The following PHEX variants were observed in gnomAD, a reference collection of about 807,000 sequenced individuals.
PHEX encodes the protein phosphate regulating endopeptidase X-linked, also known as phosphate-regulating neutral endopeptidase PHEX.
A neutral mutation model predicts 68.0 loss-of-function variants in PHEX; 16 were observed. The ratio of observed to expected loss-of-function variants is 0.24; its 90% CI spans 0.16 to 0.36. The LOEUF (loss-of-function observed/expected upper bound fraction) is 0.36, where lower values mean the gene tolerates loss of function less well. PHEX is among the 10% of genes least tolerant of loss of function. PHEX has a pLI of 1.00. For missense variants in PHEX, 480 were observed against 575.5 expected, an observed-to-expected ratio of 0.83 and a Z score of 1.70; for synonymous variants, 208 against 205.1, an observed-to-expected ratio of 1.01 and a Z score of -0.12.
chrX:22,170,813 C>G (rs1203784254), intron 13 of PHEX, among the ~76,000 whole-genome samples: 1 of 112,119 alleles, frequency 8.9e-6, no homozygotes, highest in Non-Finnish European at 1.9e-5. Context: ...ATTTAAGGAC[C>G]CATTGAATGC....
At chrX:22,127,617 A>G (rs1302315111) in intron 11 of PHEX, among the ~76,000 whole-genome samples, 1 of 111,037 alleles carries the variant, frequency 9.0e-6, no homozygotes, top group Non-Finnish European at 1.9e-5. Flanking sequence ...AATCACCTTC[A>G]AAGATTTTCC....
chrX:22,234,573 A>G (rs2147196560), intron 20 of PHEX, among the ~76,000 whole-genome samples: 1 of 110,450 alleles, frequency 9.1e-6, no homozygotes, highest in Non-Finnish European at 1.9e-5. Flanking sequence ...TGTGAGGGTA[A>G]AACCACCTAC....
At chrX:22,172,857 A>G (rs1044742211) in intron 13 of PHEX, 10 of 111,775 alleles carry the variant, frequency 8.9e-5, no homozygotes, top group African/African-American at 3.3e-4. Flanking sequence ...TTTACTTAGG[A>G]GAATTGGAAA....
chrX:22,142,193 A>G (rs1420448614), intron 12 of PHEX, among the ~76,000 whole-genome samples: 1 of 112,005 alleles, frequency 8.9e-6, no homozygotes, highest in Non-Finnish European at 1.9e-5. Flanking sequence ...CGGAGGTTGC[A>G]GTGAGCCAAG....
At chrX:22,224,278 C>T (rs1339496439) in intron 18 of PHEX, among the ~76,000 whole-genome samples, 1 of 111,999 alleles carries the variant, frequency 8.9e-6, no homozygotes, top group Non-Finnish European at 1.9e-5. Context: ...CCACCGCACC[C>T]AGCCCAGGTC....
intron 20 of PHEX, among the ~76,000 whole-genome samples, chrX:22,228,375 T>TACAACCTTTTGTTCCTAAGTCTGTCTTTG (rs1172427736): frequency 8.9e-6 from 1 of 112,073 alleles, no homozygotes; most frequent in Non-Finnish European, 1.9e-5. Flanking sequence ...TTTTCATCAG[T>TACAACCTTTTGTTCCTAAGTCTGTCTTTG]ACAACCTTTT....
At chrX:22,190,235 A>T (rs1283966578) in intron 14 of PHEX, among the ~76,000 whole-genome samples, 1 of 111,732 alleles carries the variant, frequency 8.9e-6, no homozygotes, top group South Asian at 3.7e-4. Context: ...ATGTTAATAT[A>T]TTTTCATTGA....
chrX:22,108,952 A>C (rs1042461869), intron 9 of PHEX, among the ~76,000 whole-genome samples: 3 of 110,548 alleles, frequency 2.7e-5, no homozygotes. Flanking sequence ...CAAAAAAAAA[A>C]AAAAAAATCT....
intron 3 of PHEX, among the ~76,000 whole-genome samples, chrX:22,074,751 C>T (rs34276730): frequency 0.063 from 6,946 of 110,394 alleles, 311 homozygotes; most frequent in African/African-American, 0.16. Flanking sequence ...GATCTTTCTG[C>T]GTATTAAAAA....
intron 12 of PHEX, among the ~76,000 whole-genome samples, chrX:22,164,174 G>T (rs1283509945): frequency 1.8e-5 from 2 of 111,947 alleles, no homozygotes; most frequent in Non-Finnish European, 3.8e-5. Context: ...CTGGAGCCAT[G>T]GGATATTGCA....
chrX:22,082,407 G>T (rs966290571), intron 5 of PHEX, among the ~76,000 whole-genome samples: 1 of 112,205 alleles, frequency 8.9e-6, no homozygotes, highest in Non-Finnish European at 1.9e-5. Context: ...ATTCTGACTG[G>T]TGTGAGATGG....
chrX:22,214,058 A>C (rs2023092898), intron 16 of PHEX, among the ~76,000 whole-genome samples: 1 of 112,313 alleles, frequency 8.9e-6, no homozygotes, highest in Non-Finnish European at 1.9e-5. Flanking sequence ...AAATGACATA[A>C]ACTTATAAGC....
intron 15 of PHEX, among the ~76,000 whole-genome samples, chrX:22,195,005 T>C (rs1329702455): frequency 5.3e-5 from 6 of 112,430 alleles, no homozygotes; most frequent in Non-Finnish European, 1.1e-4. Flanking sequence ...TTGCTGCTTT[T>C]CAGAGTGGCA....
intron 21 of PHEX, among the ~76,000 whole-genome samples, chrX:22,246,832 G>C (rs1277801171): frequency 1.8e-5 from 2 of 112,060 alleles, no homozygotes; most frequent in Non-Finnish European, 3.8e-5. Flanking sequence ...AGGTAACAAA[G>C]TCATTAGGGA....
intron 12 of PHEX, among the ~76,000 whole-genome samples, chrX:22,152,142 C>A (rs145303291): frequency 1.4e-3 from 155 of 111,373 alleles, no homozygotes; most frequent in Non-Finnish European, 2.5e-3. Flanking sequence ...CTAAATTAAT[C>A]TAGGTGAGAA....
At chrX:22,074,381 T>A (rs1010015457) in intron 3 of PHEX, among the ~76,000 whole-genome samples, 4 of 110,100 alleles carry the variant, frequency 3.6e-5, no homozygotes, top group African/African-American at 1.3e-4. Context: ...GAAACCAGAA[T>A]TTTGACATAT....
intron 8 of PHEX, chrX:22,097,806 C>T: frequency 1.0e-5 from 5 of 491,187 alleles, no homozygotes; most frequent in Non-Finnish European, 1.3e-5. Flanking sequence ...CTTGCTGTGT[C>T]ATCCAGGCTG....
chrX:22,197,302 CCT>C (rs1192375359), intron 15 of PHEX, among the ~76,000 whole-genome samples: 1 of 111,270 alleles, frequency 9.0e-6, no homozygotes, highest in African/African-American at 3.3e-5. Flanking sequence ...TATTCATTCC[CCT>C]GTCTAGTCCC....
rs6629449 is a variant in PHEX, at chrX:22,094,227, G to A, written c.849+128G>A. 20,396 of 431,967 alleles carry A rather than the reference G, an allele frequency of 0.047. 958 individuals carry two copies. The highest frequency in any genetic ancestry group is 0.23 in the African/African-American group (9,104 of 40,243). The allele number at this position is 431,967 out of a possible 1,213,427, so 35.6% of individuals were successfully genotyped here. ...ATATAAATTGCAAACAAATAATAGCGTTTTGTGTCATTGCCCATTGGGCCC... is the reference window on the plus strand; with the variant it reads ...ATATAAATTGCAAACAAATAATAGCATTTTGTGTCATTGCCCATTGGGCCC... On this transcript the variant is annotated intron_variant, in intron 7 of 21. Coordinates refer to ENST00000379374, the MANE Select transcript of PHEX (RefSeq NM_000444.6).
Sources: allele counts gnomAD v4.1 joint callset (sites outside exome capture counted in the v4.1 genomes callset), GRCh38; gene constraint gnomAD v4.1.1; transcripts MANE v1.5; gene names NCBI Gene and HGNC (gene_info 2026-07-23, HGNC 2026-07-21).